Variants in JAM3 observed in about 807,000 individuals in gnomAD.
JAM3 encodes the protein junctional adhesion molecule 3.
Under a neutral mutation model 39.4 loss-of-function variants are expected in JAM3, and 31 were observed. The observed-to-expected ratio is 0.79, with a 90% CI of 0.59 to 1.06. The LOEUF (loss-of-function observed/expected upper bound fraction) is 1.06, where lower values mean the gene tolerates loss of function less well. Ranked by LOEUF, JAM3 falls within the 50% of genes least tolerant of loss-of-function variation. The probability of loss-of-function intolerance (pLI) is 0.00; values close to 1 mark genes in which losing one functional copy is unlikely to be tolerated. For missense variants in JAM3, 455 were observed against 391.4 expected, an observed-to-expected ratio of 1.16 and a Z score of -1.37; for synonymous variants, 182 against 148.7, an observed-to-expected ratio of 1.22 and a Z score of -1.63.
At chr11:134,073,283 T>C (rs976095724) in intron 1 of JAM3, among the ~76,000 whole-genome samples, 2 of 152,258 alleles carry the variant, frequency 1.3e-5, no homozygotes, top group Non-Finnish European at 2.9e-5. Flanking sequence ...TTATGTGTTA[T>C]ATATTACATT....
intron 1 of JAM3, among the ~76,000 whole-genome samples, chr11:134,109,256 C>G (rs969181185): frequency 1.3e-5 from 2 of 151,960 alleles, no homozygotes; most frequent in African/African-American, 4.8e-5. Flanking sequence ...GCCACCGTGC[C>G]CGGCCTGCTC....
intron 1 of JAM3, among the ~76,000 whole-genome samples, chr11:134,129,694 C>T (rs984015296): frequency 6.6e-6 from 1 of 152,016 alleles, no homozygotes; most frequent in Admixed American, 6.5e-5. Flanking sequence ...TTGGAGTATG[C>T]AAAATCATAT....
At chr11:134,098,662 C>G (rs919774624) in intron 1 of JAM3, among the ~76,000 whole-genome samples, 4 of 152,142 alleles carry the variant, frequency 2.6e-5, no homozygotes, top group African/African-American at 7.2e-5. Flanking sequence ...GTACACTGAA[C>G]TCATGAATTA....
chr11:134,085,301 A>T (rs1221684340), intron 1 of JAM3, among the ~76,000 whole-genome samples: 1 of 152,220 alleles, frequency 6.6e-6, no homozygotes, highest in Admixed American at 6.5e-5. Context: ...ACCATTCCAA[A>T]CTATTAATAT....
chr11:134,091,043 A>G (rs557700245), intron 1 of JAM3, among the ~76,000 whole-genome samples: 9 of 152,124 alleles, frequency 5.9e-5, no homozygotes, highest in African/African-American at 1.9e-4. Context: ...TACAGGGTTC[A>G]TTCTTTTCAT....
chr11:134,130,386 T>G (rs1362099157), intron 1 of JAM3, among the ~76,000 whole-genome samples: 3 of 152,178 alleles, frequency 2.0e-5, no homozygotes, highest in Non-Finnish European at 4.4e-5. Flanking sequence ...TTCCAGAAAC[T>G]TCTTGGGTTC....
At position 134,122,253 on chromosome 11, in the gene JAM3, TG is replaced by T. The variant is rs1052930417; in HGVS notation, c.77-17595del. ...ACTGGCCTAGCTGACGCTAACAAAATGGGAGGCTTATGGCTCTGCACAGCAA... is the reference window on the plus strand; with the variant it reads ...ACTGGCCTAGCTGACGCTAACAAAATGGAGGCTTATGGCTCTGCACAGCAA... On this transcript the variant is annotated intron_variant, in intron 1 of 8. Transcript: ENST00000299106. 3.9e-5 allele frequency among the ~76,000 whole-genome samples: 6 copies of T among 152,106 alleles called. 1 individual carries two copies. The highest frequency in any genetic ancestry group is 1.9e-4 in the East Asian group (1 of 5,194).
intron 6 of JAM3, chr11:134,147,876 CTTG>C (rs1565507400): frequency 2.0e-5 from 3 of 153,222 alleles, no homozygotes; most frequent in African/African-American, 4.8e-5. Flanking sequence ...TTACTTGGCT[CTTG>C]TTGATAAATT....
intron 1 of JAM3, among the ~76,000 whole-genome samples, chr11:134,116,086 T>C: frequency 6.6e-6 from 1 of 152,138 alleles, no homozygotes; most frequent in East Asian, 1.9e-4. Context: ...TCCCTTTCTA[T>C]TTTTTAGGAG....
chr11:134,092,274 A>T (rs1475229858), intron 1 of JAM3, among the ~76,000 whole-genome samples: 1 of 152,054 alleles, frequency 6.6e-6, no homozygotes, highest in Admixed American at 6.5e-5. Context: ...TGCCTGGCGG[A>T]GCCCTCCTTA....
At chr11:134,134,398 CAAAAA>C (rs34729848) in intron 1 of JAM3, among the ~76,000 whole-genome samples, 13 of 31,922 alleles carry the variant, frequency 4.1e-4, no homozygotes, top group African/African-American at 1.1e-3. Context: ...GGATAAATGC[CAAAAA>C]AAAAAAAAAA....
intron 1 of JAM3, among the ~76,000 whole-genome samples, chr11:134,087,508 G>A (rs1462994357): frequency 1.3e-5 from 2 of 152,162 alleles, no homozygotes; most frequent in African/African-American, 4.8e-5. Context: ...AAAGTTAGTG[G>A]CACTCATTGG....
At chr11:134,135,536 TTTTTTTTTTTC>T (rs1565501685) in intron 1 of JAM3, among the ~76,000 whole-genome samples, 1 of 136,438 alleles carries the variant, frequency 7.3e-6, no homozygotes, top group African/African-American at 2.9e-5. Context: ...TATCTATCCT[TTTTTTTTTTTC>T]TTTTTTTTGA....
chr11:134,103,698 G>A (rs1343420665), intron 1 of JAM3, among the ~76,000 whole-genome samples: 1 of 152,100 alleles, frequency 6.6e-6, no homozygotes, highest in African/African-American at 2.4e-5. Context: ...ACAAAAAAAA[G>A]GCAGGGGTTG....
At chr11:134,096,534 C>T (rs1941987519) in intron 1 of JAM3, among the ~76,000 whole-genome samples, 1 of 152,102 alleles carries the variant, frequency 6.6e-6, no homozygotes, top group African/African-American at 2.4e-5. Flanking sequence ...ATTTTAATTT[C>T]TTCTCAAATC....
chr11:134,120,624 A>C (rs77962544), intron 1 of JAM3, among the ~76,000 whole-genome samples: 1,543 of 152,312 alleles, frequency 0.01, 20 homozygotes, highest in African/African-American at 0.035. Flanking sequence ...TTCATGAGTC[A>C]ACAAGTCTGC....
chr11:134,101,737 A>C (rs192999695), intron 1 of JAM3, among the ~76,000 whole-genome samples: 1 of 152,244 alleles, frequency 6.6e-6, no homozygotes, highest in African/African-American at 2.4e-5. Context: ...TCCAGTTTTT[A>C]TCGAGTGCTA....
At chr11:134,088,662 A>G (rs977904794) in intron 1 of JAM3, among the ~76,000 whole-genome samples, 1 of 152,248 alleles carries the variant, frequency 6.6e-6, no homozygotes, top group African/African-American at 2.4e-5. Context: ...AGAACAATAT[A>G]TAAATAACAG....
intron 3 of JAM3, among the ~76,000 whole-genome samples, chr11:134,143,110 C>T (rs1943005253): frequency 6.6e-6 from 1 of 152,154 alleles, no homozygotes; most frequent in Non-Finnish European, 1.5e-5. Flanking sequence ...GGATAAATGA[C>T]CAAGAGTACA....
Sources: allele counts gnomAD v4.1 joint callset (sites outside exome capture counted in the v4.1 genomes callset), GRCh38; gene constraint gnomAD v4.1.1; transcripts MANE v1.5; gene names NCBI Gene and HGNC (gene_info 2026-07-23, HGNC 2026-07-21).